Variants in VSTM5 observed in about 807,000 individuals in gnomAD.
The protein encoded by VSTM5 is V-set and transmembrane domain containing 5, also known as V-set and transmembrane domain-containing protein 5.
A neutral mutation model predicts 20.3 loss-of-function variants in VSTM5; 21 were observed. That is an observed-to-expected ratio of 1.03 (90% confidence interval 0.73 to 1.49). VSTM5 has a LOEUF of 1.49. Ranked by LOEUF, VSTM5 falls within the 40% of genes most tolerant of loss-of-function variation. The probability of loss-of-function intolerance (pLI) is 0.00; values close to 1 mark genes in which losing one functional copy is unlikely to be tolerated. For synonymous variants in VSTM5, 100 were observed against 102.5 expected (o/e 0.98, Z 0.14); for missense variants, 219 against 250.0 (o/e 0.88, Z 0.84).
At chr11:93,837,390 A>G (rs550486318) in intron 1 of VSTM5, among the ~76,000 whole-genome samples, 3 of 152,042 alleles carry the variant, frequency 2.0e-5, no homozygotes, top group Non-Finnish European at 2.9e-5. Flanking sequence ...ATGCATGTGC[A>G]TGCACCCATG....
At chr11:93,843,213 T>C (rs1242039785) in intron 1 of VSTM5, among the ~76,000 whole-genome samples, 1 of 152,158 alleles carries the variant, frequency 6.6e-6, no homozygotes, top group Non-Finnish European at 1.5e-5. Context: ...TTAAACATCA[T>C]TTCCTCCAGG....
intron 1 of VSTM5, among the ~76,000 whole-genome samples, chr11:93,834,836 C>T (rs1425336095): frequency 4.6e-5 from 7 of 150,758 alleles, no homozygotes; most frequent in Non-Finnish European, 8.9e-5. Context: ...GAAATTTAAT[C>T]CCTAGTGTAA....
At chr11:93,846,026 G>A (rs747905652) in intron 1 of VSTM5, among the ~76,000 whole-genome samples, 10 of 152,126 alleles carry the variant, frequency 6.6e-5, no homozygotes, top group Non-Finnish European at 1.2e-4. Context: ...TTGTGGGTTT[G>A]TTTTAGAGAC....
At chr11:93,837,873 G>T (rs7125525) in intron 1 of VSTM5, among the ~76,000 whole-genome samples, 1 of 152,072 alleles carries the variant, frequency 6.6e-6, no homozygotes, top group Admixed American at 6.5e-5. Flanking sequence ...AAACAGGTAA[G>T]CTGCTTCTCT....
At chr11:93,838,325 C>T (rs975556159) in intron 1 of VSTM5, among the ~76,000 whole-genome samples, 1 of 151,836 alleles carries the variant, frequency 6.6e-6, no homozygotes, top group Admixed American at 6.6e-5. Flanking sequence ...ATACAAAAAT[C>T]AGCCAGGCGT....
In VSTM5 at chr11:93,820,541, G is replaced by T. The variant is rs1226238308; in HGVS notation, c.*28C>A. 6.4e-7 allele frequency: 1 copy of T among 1,551,464 alleles called. No individual in the cohort carries two copies. Among genetic ancestry groups the T allele is most frequent in the Non-Finnish European group, 8.7e-7 (1 of 1,146,718 alleles). On this transcript the variant is annotated 3_prime_UTR_variant, in exon 4 of 4. Transcript: ENST00000409977. Reference sequence around the variant, plus strand: ...TGTTGGAGAATGGTTTCCTCTTGAGGTAGGAATGCAGTCAGGCCCAGCCTT... The same window carrying T: ...TGTTGGAGAATGGTTTCCTCTTGAGTTAGGAATGCAGTCAGGCCCAGCCTT...
Position 93,845,371 on chromosome 11 carries a change from T to G in VSTM5, c.91+5041A>C, listed in dbSNP as rs2135740456. On this transcript the variant is annotated intron_variant, in intron 1 of 3. Transcript: ENST00000409977. ...GGGTCAGCATGGCACGGACCTGAACTGCCCCAGGGTGTGTCTCAGCAGAGA... is the reference window on the plus strand; with the variant it reads ...GGGTCAGCATGGCACGGACCTGAACGGCCCCAGGGTGTGTCTCAGCAGAGA... Among the ~76,000 whole-genome samples the G allele has an allele frequency of 1.3e-5, 2 of 152,298 alleles. 1 individual carries two copies. The highest frequency in any genetic ancestry group is 2.9e-5 in the Non-Finnish European group (2 of 68,016).
At chr11:93,833,119 A>T (rs186805991) in intron 1 of VSTM5, among the ~76,000 whole-genome samples, 95 of 152,372 alleles carry the variant, frequency 6.2e-4, no homozygotes, top group Non-Finnish European at 1.0e-3. Flanking sequence ...CTTAGTACTT[A>T]GTATGTTATA....
At chr11:93,842,601 G>T (rs1944379330) in intron 1 of VSTM5, among the ~76,000 whole-genome samples, 1 of 152,240 alleles carries the variant, frequency 6.6e-6, no homozygotes, top group African/African-American at 2.4e-5. Context: ...GGAGCTGGCT[G>T]GGTTTGCCGT....
intron 1 of VSTM5, among the ~76,000 whole-genome samples, chr11:93,848,657 A>G (rs1159945176): frequency 6.6e-6 from 1 of 152,188 alleles, no homozygotes; most frequent in East Asian, 1.9e-4. Flanking sequence ...AAGGCTTGCC[A>G]TTGCAAGGCT....
chr11:93,827,314 C>T (rs1225097302), intron 1 of VSTM5, among the ~76,000 whole-genome samples: 3 of 152,176 alleles, frequency 2.0e-5, no homozygotes, highest in African/African-American at 7.2e-5. Context: ...ACCCAGAAGG[C>T]GGACGTTGCA....
chr11:93,838,471 T>TA (rs1180287204), intron 1 of VSTM5, among the ~76,000 whole-genome samples: 16 of 141,008 alleles, frequency 1.1e-4, no homozygotes, highest in Admixed American at 9.8e-4. Flanking sequence ...GACTCCATCG[T>TA]AAAAAAACCC....
chr11:93,841,856 G>A (rs1944372953), intron 1 of VSTM5, among the ~76,000 whole-genome samples: 1 of 152,196 alleles, frequency 6.6e-6, no homozygotes, highest in Non-Finnish European at 1.5e-5. Context: ...AGAGTGAAAG[G>A]ACACAGGTTC....
intron 1 of VSTM5, among the ~76,000 whole-genome samples, chr11:93,849,769 C>T (rs1034522053): frequency 6.6e-6 from 1 of 152,240 alleles, no homozygotes; most frequent in Non-Finnish European, 1.5e-5. Flanking sequence ...GCTTCGCATC[C>T]AGGCTCACCA....
chr11:93,822,998 C>A (rs991056409), intron 1 of VSTM5, among the ~76,000 whole-genome samples: 1 of 152,148 alleles, frequency 6.6e-6, no homozygotes, highest in African/African-American at 2.4e-5. Flanking sequence ...GGTTAATATC[C>A]TGGGAGACTA....
chr11:93,821,200 T>G lies in VSTM5; in HGVS notation c.215A>C (p.Asn72Thr). 2.6e-6 allele frequency: 4 copies of G among 1,552,082 alleles called. No homozygotes were observed. The highest frequency in any genetic ancestry group is 3.5e-6 in the Non-Finnish European group (4 of 1,147,086). Reference protein sequence around the residue: ...VPTIEWTYSSNWGTQKIVEWK... With the variant: ...VPTIEWTYSSTWGTQKIVEWK... ...CTCCACGATCTTCTGCGTTCCCCAATTGGATGAATATGTCCATTCGATGGT... is the reference window on the plus strand; with the variant it reads ...CTCCACGATCTTCTGCGTTCCCCAAGTGGATGAATATGTCCATTCGATGGT... Residue 72 changes from asparagine (N) to threonine (T), a missense_variant, in exon 2 of 4, where the codon AAT becomes ACT. Coordinates refer to ENST00000409977, the MANE Select transcript of VSTM5 (RefSeq NM_001144871.2).
chr11:93,839,154 G>A (rs1390774798), intron 1 of VSTM5, among the ~76,000 whole-genome samples: 1 of 152,228 alleles, frequency 6.6e-6, no homozygotes, highest in Non-Finnish European at 1.5e-5. Flanking sequence ...TCTCTGTCCC[G>A]AGAGTGTGAA....
At chr11:93,848,680 T>C (rs1000417555) in intron 1 of VSTM5, among the ~76,000 whole-genome samples, 1 of 152,210 alleles carries the variant, frequency 6.6e-6, no homozygotes, top group Admixed American at 6.5e-5. Context: ...CCCTCTTGTT[T>C]GCATGTCTGT....
chr11:93,837,230 C>T (rs1490393022), intron 1 of VSTM5, among the ~76,000 whole-genome samples: 2 of 152,254 alleles, frequency 1.3e-5, no homozygotes, highest in African/African-American at 4.8e-5. Context: ...TAGGGTTTCA[C>T]CATGTTGGCC....
Sources: allele counts gnomAD v4.1 joint callset (sites outside exome capture counted in the v4.1 genomes callset), GRCh38; gene constraint gnomAD v4.1.1; transcripts MANE v1.5; gene names NCBI Gene and HGNC (gene_info 2026-07-23, HGNC 2026-07-21).